The following CPQ variants were observed in gnomAD, a reference collection of about 807,000 sequenced individuals.
CPQ encodes the protein Ser-Met dipeptidase.
In CPQ, 37 loss-of-function variants were observed where a neutral mutation model predicts 45.7. The ratio of observed to expected loss-of-function variants is 0.81; its 90% CI spans 0.62 to 1.07. The LOEUF (loss-of-function observed/expected upper bound fraction) is 1.07, where lower values mean the gene tolerates loss of function less well. Among genes scored for constraint, CPQ ranks in the 50% least tolerant of loss-of-function variants. The pLI is 0.00. For synonymous variants in CPQ, 186 were observed against 205.8 expected (o/e 0.90, Z 0.82); for missense variants, 537 against 572.9 (o/e 0.94, Z 0.64).
At chr8:96,737,252 C>CA (rs1468523831) in intron 1 of CPQ, among the ~76,000 whole-genome samples, 135 of 125,800 alleles carry the variant, frequency 1.1e-3, no homozygotes, top group African/African-American at 2.7e-3. Context: ...CACACACACA[C>CA]ACAAAAAAAA....
At chr8:97,112,151 AT>A (rs548377824) in intron 7 of CPQ, among the ~76,000 whole-genome samples, 4,851 of 141,326 alleles carry the variant, frequency 0.034, 87 homozygotes, top group African/African-American at 0.045. Flanking sequence ...TATTATTTTT[AT>A]TTTTTTTTTA....
intron 2 of CPQ, among the ~76,000 whole-genome samples, chr8:96,797,364 C>T (rs1443768255): frequency 1.3e-5 from 2 of 152,170 alleles, no homozygotes; most frequent in African/African-American, 4.8e-5. Flanking sequence ...TAACACAATA[C>T]TCCTTTCATT....
At chr8:96,832,057 A>G (rs559447941) in intron 2 of CPQ, among the ~76,000 whole-genome samples, 2 of 152,246 alleles carry the variant, frequency 1.3e-5, no homozygotes, top group African/African-American at 2.4e-5. Context: ...TCTGACTCCA[A>G]CATTGTTTTT....
At chr8:96,904,813 A>G (rs1179488205) in intron 4 of CPQ, among the ~76,000 whole-genome samples, 1 of 152,178 alleles carries the variant, frequency 6.6e-6, no homozygotes, top group East Asian at 1.9e-4. Flanking sequence ...TGCCACTTGC[A>G]TTCTACAGAC....
intron 3 of CPQ, 41 bp downstream of exon 3, chr8:96,835,221 G>C: frequency 7.3e-7 from 1 of 1,375,394 alleles, no homozygotes; most frequent in Non-Finnish European, 9.5e-7. Flanking sequence ...CAAAAACAAG[G>C]GTTTTCCGTG....
chr8:96,906,425 A>C (rs1030067769), intron 4 of CPQ, among the ~76,000 whole-genome samples: 1 of 152,196 alleles, frequency 6.6e-6, no homozygotes, highest in Non-Finnish European at 1.5e-5. Flanking sequence ...TCTCAACCCC[A>C]GCATACAGCA....
intron 1 of CPQ, among the ~76,000 whole-genome samples, chr8:96,682,048 A>C (rs1809159401): frequency 6.6e-6 from 1 of 152,208 alleles, no homozygotes; most frequent in Non-Finnish European, 1.5e-5. Flanking sequence ...GCCTTCACTA[A>C]GATGAAACTT....
intron 1 of CPQ, among the ~76,000 whole-genome samples, chr8:96,760,410 GAGT>G (rs1810384941): frequency 2.6e-5 from 4 of 152,282 alleles, no homozygotes; most frequent in African/African-American, 9.6e-5. Flanking sequence ...GTAAGTGGAA[GAGT>G]CAGGATTTTT....
chr8:97,085,907 TAAAG>T (rs1463292327), intron 7 of CPQ, among the ~76,000 whole-genome samples: 2 of 152,196 alleles, frequency 1.3e-5, no homozygotes, highest in African/African-American at 4.8e-5. Context: ...CCTTAATACA[TAAAG>T]GAAGTGACCT....
rs138601854 is a variant in CPQ, at chr8:97,089,314, A to T, written c.1255+23104A>T. ...ATTACCATTTCTAAAATGTCTAGGC[A>T]GCCATTGCTATTAAGAAAGTTGCAT... On this transcript the variant is annotated intron_variant, in intron 7 of 7. Transcript: ENST00000220763. 2.0e-5 allele frequency among the ~76,000 whole-genome samples: 3 copies of T among 152,184 alleles called. No homozygotes were observed. The East Asian group carries it at 5.8e-4, about 29-fold the overall frequency.
intron 3 of CPQ, among the ~76,000 whole-genome samples, chr8:96,866,944 C>A (rs1812003715): frequency 6.6e-6 from 1 of 151,648 alleles, no homozygotes; most frequent in Admixed American, 6.6e-5. Context: ...CTTTGTGGTT[C>A]AAAAAAAATA....
chr8:96,986,052 T>A (rs948000533), intron 5 of CPQ, among the ~76,000 whole-genome samples: 1 of 152,184 alleles, frequency 6.6e-6, no homozygotes, highest in South Asian at 2.1e-4. Flanking sequence ...GGGAAGTCAT[T>A]CTTGCCTACC....
At chr8:97,087,311 TG>T (rs1365444661) in intron 7 of CPQ, among the ~76,000 whole-genome samples, 2 of 152,172 alleles carry the variant, frequency 1.3e-5, no homozygotes, top group Non-Finnish European at 2.9e-5. Context: ...GGAATGGCCT[TG>T]CACTGTGAAA....
chr8:97,130,617 C>T (rs901095913), intron 7 of CPQ, among the ~76,000 whole-genome samples: 1 of 152,028 alleles, frequency 6.6e-6, no homozygotes, highest in Non-Finnish European at 1.5e-5. Context: ...ATTTAGCTAC[C>T]TTTAAATGCT....
At chr8:97,071,428 C>T (rs1268128671) in intron 7 of CPQ, among the ~76,000 whole-genome samples, 1 of 152,152 alleles carries the variant, frequency 6.6e-6, no homozygotes, top group Admixed American at 6.6e-5. Context: ...CTTGTGTTCT[C>T]CTCCTCCTCT....
chr8:96,984,556 C>T (rs1813973600), intron 5 of CPQ, among the ~76,000 whole-genome samples: 1 of 152,188 alleles, frequency 6.6e-6, no homozygotes, highest in Non-Finnish European at 1.5e-5. Context: ...TGGATCTTAA[C>T]CTACAGTGCC....
intron 6 of CPQ, chr8:97,056,296 A>G (rs546284416): frequency 1.3e-5 from 2 of 152,344 alleles, no homozygotes; most frequent in East Asian, 3.9e-4. Context: ...ATCACCATAC[A>G]GATTTATTTA....
chr8:96,677,834 G>A (rs1359636124), intron 1 of CPQ, among the ~76,000 whole-genome samples: 3 of 151,940 alleles, frequency 2.0e-5, no homozygotes, highest in African/African-American at 7.2e-5. Context: ...ATCCATTTGA[G>A]GTGATTTTTA....
chr8:96,962,937 A>G (rs1813485862), intron 4 of CPQ, among the ~76,000 whole-genome samples: 1 of 152,212 alleles, frequency 6.6e-6, no homozygotes, highest in Non-Finnish European at 1.5e-5. Context: ...ACAAGCTCTC[A>G]TAATCCAGAG....
Sources: allele counts gnomAD v4.1 joint callset (sites outside exome capture counted in the v4.1 genomes callset), GRCh38; gene constraint gnomAD v4.1.1; transcripts MANE v1.5; gene names NCBI Gene and HGNC (gene_info 2026-07-23, HGNC 2026-07-21).